The following MPDZ variants were observed in gnomAD, a reference collection of about 807,000 sequenced individuals.
MPDZ encodes multiple PDZ domain crumbs cell polarity complex component.
In MPDZ, 234 loss-of-function variants were observed where a neutral mutation model predicts 239.1. The observed-to-expected ratio is 0.98, with a 90% confidence interval of 0.88 to 1.09. MPDZ has a LOEUF of 1.09. MPDZ is among the 50% of genes least tolerant of loss of function. The pLI is 0.00. For missense variants in MPDZ, 3,175 were observed against 2,510.0 expected, an observed-to-expected ratio of 1.26 and a Z score of -5.66; for synonymous variants, 1,048 against 881.3, an observed-to-expected ratio of 1.19 and a Z score of -3.35.
At chr9:13,243,784 A>G (rs1219528322) in intron 3 of MPDZ, among the ~76,000 whole-genome samples, 1 of 152,192 alleles carries the variant, frequency 6.6e-6, no homozygotes. Context: ...CATCTAGATG[A>G]TATATGTGTA....
In MPDZ at chr9:13,150,647, C is replaced by G; in HGVS notation, c.3494G>C (p.Ser1165Thr). ...WREPSKSLGI[S>T]IVGGRGMGSR... ...CCCCATCCCTCGTCCACCAACAATG[C>G]TGATGCCTAAGGATTTGCTTGGTTC... Residue 1165 changes from serine to threonine, a missense_variant, in exon 25 of 47, where the codon AGC (serine) becomes ACC (threonine). By Grantham distance (58) the Ser-to-Thr change is moderately conservative (BLOSUM62 1). Coordinates refer to ENST00000319217, the MANE Select transcript of MPDZ (RefSeq NM_001378778.1). The G allele has an allele frequency of 6.7e-7, 1 of 1,495,314 alleles. No homozygotes were observed. The highest frequency in any genetic ancestry group is 1.4e-5 in the African/African-American group (1 of 70,710). The allele number at this position is 1,495,314 out of a possible 1,614,324, so 92.6% of individuals were successfully genotyped here.
At chr9:13,134,650 C>T (rs1946478935) in intron 31 of MPDZ, 1 of 152,156 alleles carries the variant, frequency 6.6e-6, no homozygotes, top group Admixed American at 6.6e-5. Flanking sequence ...CCAAAGCTTT[C>T]CTAAATCAAA....
At chr9:13,148,983 CA>C (rs1038344417) in intron 25 of MPDZ, among the ~76,000 whole-genome samples, 336 of 131,630 alleles carry the variant, frequency 2.6e-3, no homozygotes, top group South Asian at 5.3e-3. Flanking sequence ...TTCTTGTCTA[CA>C]AAAAAAAAAA....
intron 22 of MPDZ, chr9:13,165,546 T>A: frequency 1.2e-6 from 1 of 820,886 alleles, no homozygotes; most frequent in Non-Finnish European, 1.9e-6. Flanking sequence ...CCTTTCCACC[T>A]CCCTCCCATC....
At chr9:13,144,718 A>G (rs1202265225) in intron 26 of MPDZ, among the ~76,000 whole-genome samples, 2 of 152,088 alleles carry the variant, frequency 1.3e-5, no homozygotes, top group Non-Finnish European at 2.9e-5. Flanking sequence ...TCTTCTTGCA[A>G]TGTTTTTCCT....
intron 12 of MPDZ, among the ~76,000 whole-genome samples, chr9:13,198,661 C>G (rs986234082): frequency 6.6e-6 from 1 of 151,290 alleles, no homozygotes; most frequent in African/African-American, 2.4e-5. Flanking sequence ...AATCTTTGCC[C>G]AGACAAATCC....
intron 16 of MPDZ, 75 bp from the exon 17 acceptor site, chr9:13,189,068 G>A (rs1954543956): frequency 1.1e-5 from 14 of 1,256,558 alleles, no homozygotes; most frequent in South Asian, 1.5e-5. Context: ...ACTCTAAATC[G>A]TAACGAATGA....
At chr9:13,181,762 T>A (rs538653505) in intron 19 of MPDZ, among the ~76,000 whole-genome samples, 1 of 152,180 alleles carries the variant, frequency 6.6e-6, no homozygotes, top group Admixed American at 6.5e-5. Flanking sequence ...ATGCAGATTG[T>A]GTAATCCCTT....
At position 13,176,258 on chromosome 9, in the gene MPDZ, C is replaced by CA; in HGVS notation, c.2808dup (p.Ala937CysfsTer5). 6.2e-7 allele frequency: 1 copy of CA among 1,608,720 alleles called. No individual in the cohort carries two copies. The highest frequency in any genetic ancestry group is 8.5e-7 in the Non-Finnish European group (1 of 1,177,138). On this transcript the variant is annotated frameshift_variant, in exon 20 of 47. Coordinates refer to ENST00000319217, the MANE Select transcript of MPDZ (RefSeq NM_001378778.1). LOFTEE classifies it high-confidence loss of function. ...TCATATTGTTGTTCAATAGCATTTG[C>CA]AGGTGTGTAGTCATTTATAGTAAAG...
At chr9:13,252,660 C>T (rs1053200062) in intron 1 of MPDZ, among the ~76,000 whole-genome samples, 3 of 151,498 alleles carry the variant, frequency 2.0e-5, no homozygotes, top group African/African-American at 7.3e-5. Flanking sequence ...ACCAGCCTGG[C>T]CAACATGGTG....
At chr9:13,122,587 C>G (rs1252462083) in intron 36 of MPDZ, among the ~76,000 whole-genome samples, 1 of 149,940 alleles carries the variant, frequency 6.7e-6, no homozygotes, top group Non-Finnish European at 1.5e-5. Context: ...GTGGTGCGAT[C>G]TCAGCTCACT....
intron 7 of MPDZ, among the ~76,000 whole-genome samples, chr9:13,220,142 A>G (rs546974314): frequency 2.0e-5 from 3 of 152,156 alleles, no homozygotes; most frequent in Non-Finnish European, 1.5e-5. Flanking sequence ...ATGCAAATAT[A>G]TATTACCTAA....
chr9:13,226,532 A>G (rs1393303768), intron 3 of MPDZ, among the ~76,000 whole-genome samples: 1 of 152,034 alleles, frequency 6.6e-6, no homozygotes, highest in African/African-American at 2.4e-5. Flanking sequence ...CCAAACAGGT[A>G]TATTCTTCCC....
At chr9:13,202,630 G>A (rs547703747) in intron 12 of MPDZ, among the ~76,000 whole-genome samples, 1 of 152,294 alleles carries the variant, frequency 6.6e-6, no homozygotes, top group South Asian at 2.1e-4. Context: ...CATAGGAATG[G>A]GACCTAGGTG....
At chr9:13,168,297 G>A (rs1951334168) in intron 22 of MPDZ, 69 bp downstream of exon 22, 10 of 1,442,648 alleles carry the variant, frequency 6.9e-6, no homozygotes, top group Non-Finnish European at 8.7e-6. Context: ...AGTGAATACT[G>A]AAAAAGAATT....
At chr9:13,153,129 G>A (rs751355684) in intron 24 of MPDZ, among the ~76,000 whole-genome samples, 2 of 152,058 alleles carry the variant, frequency 1.3e-5, no homozygotes, top group Admixed American at 6.6e-5. Context: ...GTTGAAGTAA[G>A]GAATCCTGCA....
At chr9:13,186,412 GA>G in intron 17 of MPDZ, 26 bp from the exon 18 acceptor site, 1 of 1,435,622 alleles carries the variant, frequency 7.0e-7, no homozygotes, top group Non-Finnish European at 9.6e-7. Context: ...GGTATTCATG[GA>G]AAAGAGAGAG....
At position 13,183,529 on chromosome 9, in the gene MPDZ, A is replaced by T. The variant is rs1038376705; in HGVS notation, c.2538T>A (p.Ser846=). ...VDESTFESPY[S]PENDSIYSTQ... Reference sequence around the variant, plus strand: ...TAGAGTAGATGCTGTCATTTTCAGGAGAGTATGGAGACTCAAATGTGGATT... The same window carrying T: ...TAGAGTAGATGCTGTCATTTTCAGGTGAGTATGGAGACTCAAATGTGGATT... Residue 846 remains serine (S), a synonymous_variant, in exon 19 of 47, where the codon TCT becomes TCA. Coordinates refer to ENST00000319217, the MANE Select transcript of MPDZ (RefSeq NM_001378778.1). 17 of 1,612,532 alleles carry T rather than the reference A, an allele frequency of 1.1e-5. No homozygotes were observed. Among genetic ancestry groups the T allele is most frequent in the Non-Finnish European group, 1.4e-5 (17 of 1,179,122 alleles).
At chr9:13,262,006 C>T (rs1172880599) in intron 1 of MPDZ, among the ~76,000 whole-genome samples, 1 of 151,616 alleles carries the variant, frequency 6.6e-6, no homozygotes, top group Non-Finnish European at 1.5e-5. Context: ...CATCACGCCA[C>T]TGAACTCCAG....
Sources: gnomAD v4.1 joint callset for allele counts (sites outside exome capture counted in the v4.1 genomes callset) on GRCh38, gnomAD v4.1.1 for gene constraint, MANE v1.5 for transcripts, NCBI Gene and HGNC (gene_info 2026-07-23, HGNC 2026-07-21) for gene names.